ERCC6: variants seen among roughly 807,000 people sequenced by gnomAD.
ERCC6 encodes ERCC excision repair 6, chromatin remodeling factor, also known as DNA excision repair protein ERCC-6.
In ERCC6, 116 loss-of-function variants were observed where a neutral mutation model predicts 158.7. The observed-to-expected ratio is 0.73, with a 90% confidence interval of 0.63 to 0.85. The LOEUF is 0.85. Ranked by LOEUF, ERCC6 falls within the 40% of genes least tolerant of loss-of-function variation. ERCC6 has a pLI of 0.00. For missense variants in ERCC6, 1,698 were observed against 1,799.4 expected, an observed-to-expected ratio of 0.94 and a Z score of 1.02; for synonymous variants, 678 against 659.3, an observed-to-expected ratio of 1.03 and a Z score of -0.43.
intron 16 of ERCC6, among the ~76,000 whole-genome samples, 196 bp from the exon 17 acceptor site, chr10:49,471,316 T>C (rs900095002): frequency 2.6e-5 from 4 of 152,160 alleles, no homozygotes; most frequent in African/African-American, 9.7e-5. Flanking sequence ...TCTTGCAGAA[T>C]TTAAATTAGA....
At chr10:49,470,083 G>T in intron 18 of ERCC6, 99 bp downstream of exon 18, 1 of 1,043,744 alleles carries the variant, frequency 9.6e-7, no homozygotes, top group Non-Finnish European at 1.5e-6. Context: ...ATGGCTGACA[G>T]CCCTCTATGC....
At chr10:49,518,469 G>A (rs1402602342) in intron 5 of ERCC6, among the ~76,000 whole-genome samples, 2 of 152,172 alleles carry the variant, frequency 1.3e-5, no homozygotes, top group African/African-American at 2.4e-5. Flanking sequence ...AGGATTAAAC[G>A]AATTAACCTA....
chr10:49,529,704 A>G (rs951962498), intron 3 of ERCC6, among the ~76,000 whole-genome samples: 24 of 152,208 alleles, frequency 1.6e-4, no homozygotes, highest in Non-Finnish European at 2.4e-4. Context: ...TGGAGAGCTT[A>G]AAGAAAAGAT....
At chr10:49,479,421 T>C (rs1850938014) in intron 10 of ERCC6, among the ~76,000 whole-genome samples, 1 of 152,220 alleles carries the variant, frequency 6.6e-6, no homozygotes, top group Admixed American at 6.5e-5. Context: ...TGTGTATCTG[T>C]TGTATGAATG....
chr10:49,465,697 A>G (rs1850663435), intron 18 of ERCC6, among the ~76,000 whole-genome samples: 1 of 152,158 alleles, frequency 6.6e-6, no homozygotes, highest in African/African-American at 2.4e-5. Context: ...ATGAGATCTG[A>G]TGGTTTTAAA....
chr10:49,479,569 T>C (rs1359890075), intron 10 of ERCC6, among the ~76,000 whole-genome samples: 2 of 152,228 alleles, frequency 1.3e-5, no homozygotes, highest in African/African-American at 4.8e-5. Flanking sequence ...AAGATGATGA[T>C]GAGGTACATA....
the ERCC6 span, among the ~76,000 whole-genome samples, chr10:49,446,779 A>C: frequency 6.6e-6 from 1 of 152,226 alleles, no homozygotes; most frequent in African/African-American, 2.4e-5. Flanking sequence ...GTGCCACTGC[A>C]CTTCAACCTG....
chr10:49,483,778 AATT>A (rs1393929376), intron 8 of ERCC6, among the ~76,000 whole-genome samples: 5 of 151,416 alleles, frequency 3.3e-5, no homozygotes, highest in East Asian at 1.9e-4. Flanking sequence ...ACATATATTA[AATT>A]ATTATTTTTA....
chr10:49,445,862 A>C, the ERCC6 span, among the ~76,000 whole-genome samples: 1 of 152,180 alleles, frequency 6.6e-6, no homozygotes, highest in East Asian at 1.9e-4. Context: ...GCTTTAGAAA[A>C]AGAATCAGAA....
intron 16 of ERCC6, among the ~76,000 whole-genome samples, chr10:49,471,743 T>C (rs546536810): frequency 6.6e-6 from 1 of 152,140 alleles, no homozygotes; most frequent in Admixed American, 6.5e-5. Flanking sequence ...TCGAGGAAGA[T>C]GTAATGTTCC....
chr10:49,463,610 C>T (rs1375565225), intron 18 of ERCC6, among the ~76,000 whole-genome samples: 1 of 152,150 alleles, frequency 6.6e-6, no homozygotes, highest in Non-Finnish European at 1.5e-5. Context: ...TCAGCTGTGT[C>T]CCCACCCAAA....
intron 1 of ERCC6, among the ~76,000 whole-genome samples, chr10:49,538,512 G>T (rs1032980192): frequency 3.3e-5 from 5 of 152,178 alleles, no homozygotes; most frequent in African/African-American, 1.2e-4. Flanking sequence ...AAGACGCTGC[G>T]TGGAAGTCAC....
chr10:49,535,221 T>C (rs748806326), intron 1 of ERCC6, among the ~76,000 whole-genome samples: 10 of 152,106 alleles, frequency 6.6e-5, no homozygotes, highest in Admixed American at 1.3e-4. Context: ...AGGAAGCAGA[T>C]AGGAAGCAGG....
At position 49,516,651 on chromosome 10, in the gene ERCC6, A is replaced by G. The variant is rs763307339; in HGVS notation, c.1397+7382T>C. On this transcript the variant is annotated intron_variant, in intron 5 of 20. Transcript: ENST00000355832. ...GTTGGAGTACTTGACAATGAGTTCA[A>G]TGACCTCGTCATCAAGAAAAAGTTC... The G allele has an allele frequency of 5.0e-6, 8 of 1,614,242 alleles. No homozygotes were observed. In the South Asian group the frequency reaches 6.6e-5, roughly 13 times the overall value.
At chr10:49,494,113 T>C (rs1851224466) in intron 7 of ERCC6, among the ~76,000 whole-genome samples, 2 of 152,188 alleles carry the variant, frequency 1.3e-5, no homozygotes, top group Non-Finnish European at 2.9e-5. Flanking sequence ...GAATGAACTA[T>C]CCCATTTCTT....
At chr10:49,526,117 T>TATATATATATATA (rs1837326508) in intron 4 of ERCC6, among the ~76,000 whole-genome samples, 5 of 43,602 alleles carry the variant, frequency 1.1e-4, no homozygotes, top group African/African-American at 1.7e-4. Flanking sequence ...TTATATATTT[T>TATATATATATATA]TATATATATA....
chr10:49,515,642 G>A (rs763920726), intron 5 of ERCC6: 71 of 1,613,890 alleles, frequency 4.4e-5, no homozygotes, highest in Admixed American at 8.3e-5. Flanking sequence ...AGACCAGTTC[G>A]AAACAGAACA....
intron 8 of ERCC6, among the ~76,000 whole-genome samples, chr10:49,492,296 G>A (rs574227807): frequency 1.3e-5 from 2 of 152,056 alleles, no homozygotes; most frequent in Non-Finnish European, 2.9e-5. Context: ...CCCCGAGAAC[G>A]AACTCAAGAG....
the ERCC6 span, among the ~76,000 whole-genome samples, chr10:49,441,146 C>T: frequency 6.6e-6 from 1 of 152,174 alleles, no homozygotes; most frequent in East Asian, 1.9e-4. Flanking sequence ...TTATTGCTGT[C>T]ATTGTCCGTG....
Sources: allele counts gnomAD v4.1 joint callset (sites outside exome capture counted in the v4.1 genomes callset), GRCh38; gene constraint gnomAD v4.1.1; transcripts MANE v1.5; gene names NCBI Gene and HGNC (gene_info 2026-07-23, HGNC 2026-07-21).